UTRN: variants seen among roughly 807,000 people sequenced by gnomAD.
UTRN encodes dystrophin-related protein 1.
A neutral mutation model predicts 463.9 loss-of-function variants in UTRN; 283 were observed. The ratio of observed to expected loss-of-function variants is 0.61; its 90% CI spans 0.55 to 0.67. UTRN has a LOEUF of 0.67. Ranked by LOEUF, UTRN falls within the 30% of genes least tolerant of loss-of-function variation. UTRN has a pLI of 0.00. For missense variants in UTRN, 3,922 were observed against 4,084.3 expected, an observed-to-expected ratio of 0.96 and a Z score of 1.08; for synonymous variants, 1,442 against 1,431.5, an observed-to-expected ratio of 1.01 and a Z score of -0.17.
At chr6:144,397,099 C>G (rs1413159241) in intron 2 of UTRN, among the ~76,000 whole-genome samples, 2 of 152,082 alleles carry the variant, frequency 1.3e-5, no homozygotes, top group Non-Finnish European at 2.9e-5. Context: ...CAAAAATTAG[C>G]CAGGCTTGGT....
intron 51 of UTRN, among the ~76,000 whole-genome samples, chr6:144,674,902 C>T (rs1781438029): frequency 6.6e-6 from 1 of 152,174 alleles, no homozygotes; most frequent in African/African-American, 2.4e-5. Flanking sequence ...TTCTCTGGTG[C>T]CTCCTTGAGT....
chr6:144,466,515 A>G (rs1013237065), intron 23 of UTRN, among the ~76,000 whole-genome samples: 2 of 152,226 alleles, frequency 1.3e-5, no homozygotes, highest in Non-Finnish European at 2.9e-5. Flanking sequence ...AATAACCTCC[A>G]TTCCTGTACT....
At chr6:144,470,632 G>A (rs189830707) in intron 23 of UTRN, among the ~76,000 whole-genome samples, 17,337 of 152,106 alleles carry the variant, frequency 0.11, 1,046 homozygotes, top group South Asian at 0.23. Context: ...GGTGGCGGCC[G>A]GGCAGAGGCT....
chr6:144,450,274 A>G (rs1437880986), intron 17 of UTRN, among the ~76,000 whole-genome samples: 1 of 152,108 alleles, frequency 6.6e-6, no homozygotes, highest in Non-Finnish European at 1.5e-5. Context: ...CAAACTCCTT[A>G]ATATGTCCTG....
intron 59 of UTRN, 66 bp downstream of exon 59, chr6:144,772,034 T>TTG (rs1794106920): frequency 3.7e-6 from 4 of 1,079,828 alleles, no homozygotes; most frequent in Non-Finnish European, 5.0e-6. Flanking sequence ...TTTTTTTTTT[T>TTG]TTTTTTTTTT....
At chr6:144,829,260 A>G (rs1300326773) in intron 69 of UTRN, among the ~76,000 whole-genome samples, 1 of 152,010 alleles carries the variant, frequency 6.6e-6, no homozygotes, top group East Asian at 1.9e-4. Flanking sequence ...TAATATCTGC[A>G]TTTAGCACCT....
chr6:144,583,183 C>A (rs960991772), intron 51 of UTRN: 9 of 290,464 alleles, frequency 3.1e-5, no homozygotes, highest in African/African-American at 1.9e-4. Context: ...ACTCCTCTCC[C>A]GCAGCCGGCA....
chr6:144,527,505 G>C (rs1260207892), intron 41 of UTRN, among the ~76,000 whole-genome samples: 1 of 152,170 alleles, frequency 6.6e-6, no homozygotes. Context: ...GAGTTTTCCA[G>C]GTGTTCTTTG....
intron 2 of UTRN, among the ~76,000 whole-genome samples, chr6:144,330,294 C>A (rs1490309798): frequency 2.0e-5 from 3 of 152,152 alleles, no homozygotes; most frequent in Non-Finnish European, 4.4e-5. Flanking sequence ...CAGAAAGATG[C>A]AGTCTGCATT....
chr6:144,548,763 A>C lies in UTRN; in HGVS notation c.6719A>C (p.Asp2240Ala), dbSNP rs776805306. ...GATAAAACTATAACAGAACTAGCCG[A>C]CTGGCTGGTATTAATCGACCAGATG... ...DLDKTITELA[D>A]WLVLIDQMLK... The change falls in exon 47 of 75, where the codon GAC becomes GCC. Residue 2240 changes from aspartate (D) to alanine (A), a missense_variant. Transcript: ENST00000367545. 96 of 1,613,936 alleles carry C rather than the reference A, an allele frequency of 5.9e-5. No homozygotes were observed. Among genetic ancestry groups the C allele is most frequent in the Non-Finnish European group, 8.0e-5 (94 of 1,179,970 alleles).
At chr6:144,472,842 A>G (rs1483384306) in intron 23 of UTRN, among the ~76,000 whole-genome samples, 1 of 149,694 alleles carries the variant, frequency 6.7e-6, no homozygotes, top group Non-Finnish European at 1.5e-5. Flanking sequence ...ATCTTGGCTC[A>G]CTGCAACCTC....
intron 51 of UTRN, among the ~76,000 whole-genome samples, chr6:144,585,442 G>T (rs1289072447): frequency 1.3e-5 from 2 of 152,060 alleles, no homozygotes; most frequent in Non-Finnish European, 2.9e-5. Context: ...CAGTGACATA[G>T]GAGATTTTGC....
intron 65 of UTRN, among the ~76,000 whole-genome samples, chr6:144,803,581 C>G (rs1777887039): frequency 6.6e-6 from 1 of 151,822 alleles, no homozygotes; most frequent in South Asian, 2.1e-4. Flanking sequence ...TTTTAAGATT[C>G]TATTTATATT....
chr6:144,713,481 G>T (rs745404562), intron 53 of UTRN, among the ~76,000 whole-genome samples: 13 of 150,654 alleles, frequency 8.6e-5, no homozygotes, highest in Non-Finnish European at 1.5e-4. Context: ...GGGTGTGGTG[G>T]TGTATACCTG....
chr6:144,319,812 T>G (rs1775516938), intron 2 of UTRN, among the ~76,000 whole-genome samples: 1 of 151,572 alleles, frequency 6.6e-6, no homozygotes, highest in Admixed American at 6.6e-5. Context: ...CCTCCCAAAG[T>G]GCTGGGATTA....
intron 9 of UTRN, among the ~76,000 whole-genome samples, chr6:144,435,418 C>T (rs1786444053): frequency 6.6e-6 from 1 of 152,178 alleles, no homozygotes; most frequent in Middle Eastern, 3.2e-3. Context: ...AGTACAGCAG[C>T]CTGTGTGGCT....
At chr6:144,295,136 G>T (rs1389825890) in intron 2 of UTRN, among the ~76,000 whole-genome samples, 1 of 152,206 alleles carries the variant, frequency 6.6e-6, no homozygotes, top group African/African-American at 2.4e-5. Flanking sequence ...AATAGGCCAA[G>T]ACTAAGAATT....
chr6:144,584,185 T>C (rs760486593), intron 51 of UTRN, among the ~76,000 whole-genome samples: 7 of 152,176 alleles, frequency 4.6e-5, no homozygotes, highest in Non-Finnish European at 8.8e-5. Context: ...GTAGACTTAC[T>C]GGAGACAACT....
chr6:144,510,200 C>T (rs1409369864), intron 34 of UTRN, among the ~76,000 whole-genome samples: 3 of 152,120 alleles, frequency 2.0e-5, no homozygotes, highest in African/African-American at 7.2e-5. Context: ...TAGATACATG[C>T]ATATTGCTTT....
Sources: allele counts gnomAD v4.1 joint callset (sites outside exome capture counted in the v4.1 genomes callset), GRCh38; gene constraint gnomAD v4.1.1; transcripts MANE v1.5; gene names NCBI Gene and HGNC (gene_info 2026-07-23, HGNC 2026-07-21).